Variants in KDM1B observed in about 807,000 individuals in gnomAD.
The protein encoded by KDM1B is lysine-specific histone demethylase 2.
In KDM1B, 63 loss-of-function variants were observed where a neutral mutation model predicts 107.4. The ratio of observed to expected loss-of-function variants is 0.59; its 90% CI spans 0.48 to 0.72. The LOEUF is 0.72. KDM1B is among the 30% of genes least tolerant of loss of function. KDM1B has a pLI of 0.00. For missense variants in KDM1B, 749 were observed against 1,020.8 expected, an observed-to-expected ratio of 0.73 and a Z score of 3.63; for synonymous variants, 363 against 363.9, an observed-to-expected ratio of 1.00 and a Z score of 0.03.
chr6:18,165,124 T>A (rs1785209026), intron 5 of KDM1B, among the ~76,000 whole-genome samples: 1 of 126,274 alleles, frequency 7.9e-6, no homozygotes, highest in Non-Finnish European at 1.6e-5. Context: ...CTCTGCCTTC[T>A]CTGATTTTTT....
At chr6:18,158,657 A>G (rs1784785924) in intron 2 of KDM1B, among the ~76,000 whole-genome samples, 1 of 152,244 alleles carries the variant, frequency 6.6e-6, no homozygotes, top group Admixed American at 6.5e-5. Flanking sequence ...CAATAGATCA[A>G]GGAAGGAGAT....
chr6:18,191,424 A>G lies in KDM1B; in HGVS notation c.969+43A>G, dbSNP rs1787278106. ...AGCCAATAGCACTGGACAGAGGAGG[A>G]CCATGTTGAAAAGGAGGGGATACTT... On this transcript the variant is annotated intron_variant, in intron 10 of 21. Transcript: ENST00000650836. The surrounding 1 kb of genome is among the most constrained non-coding windows in gnomAD (Gnocchi z 5.1). 1 of 1,509,312 alleles carries G rather than the reference A, an allele frequency of 6.6e-7. No homozygotes were observed. The highest frequency in any genetic ancestry group is 1.2e-5 in the South Asian group (1 of 80,610). The allele number at this position is 1,509,312 out of a possible 1,614,324, so 93.5% of individuals were successfully genotyped here. A position where few individuals can be genotyped will look rare whatever the true frequency, so the allele number is the denominator to read the frequency against.
chr6:18,158,746 T>A (rs1482624225), intron 2 of KDM1B, among the ~76,000 whole-genome samples: 1 of 152,228 alleles, frequency 6.6e-6, no homozygotes, highest in Admixed American at 6.5e-5. Flanking sequence ...TTGAAAAAAA[T>A]TCTGTTAGCT....
Position 18,213,436 on chromosome 6 carries a change from CAAA to C in KDM1B, c.1984-208_1984-206del, listed in dbSNP as rs377185197. On this transcript the variant is annotated intron_variant, in intron 18 of 21. Coordinates refer to ENST00000650836, the MANE Select transcript of KDM1B (RefSeq NM_001364614.2). This position sits in a 1 kb window ranked among gnomAD's most constrained non-coding sequence, Gnocchi z 5.9. ...GGGCAACAAGAGCGAAACTCCGTCT[CAAA>C]AAAAAAAAAAACCCAAAAAACAAAA... Among the ~76,000 whole-genome samples the C allele has an allele frequency of 2.0e-5, 2 of 98,720 alleles. No homozygotes were observed. Among genetic ancestry groups the C allele is most frequent in the African/African-American group, 3.6e-5 (1 of 27,674 alleles). 64.8% of individuals were successfully genotyped at this position (98,720 alleles called of 152,430 possible). A position where few individuals can be genotyped will look rare whatever the true frequency, so the allele number is the denominator to read the frequency against.
At chr6:18,198,652 A>AAAAAAC (rs1561939731) in intron 12 of KDM1B, among the ~76,000 whole-genome samples, 5 of 143,128 alleles carry the variant, frequency 3.5e-5, no homozygotes, top group African/African-American at 7.8e-5. Context: ...AAAAAAAAAA[A>AAAAAAC]AAAAACAAAA....
At chr6:18,193,473 A>ATT (rs201031871) in intron 10 of KDM1B, among the ~76,000 whole-genome samples, 4 of 145,596 alleles carry the variant, frequency 2.7e-5, no homozygotes, top group East Asian at 4.0e-4. Flanking sequence ...TGCCCAGCTA[A>ATT]TTTTTTTTTT....
In KDM1B at chr6:18,208,713, C is replaced by T. The variant is rs575957474; in HGVS notation, c.1866+507C>T. 6.4e-4 allele frequency among the ~76,000 whole-genome samples: 83 copies of T among 129,838 alleles called. 2 individuals are homozygous for T. Among genetic ancestry groups the T allele is most frequent in the South Asian group, 2.4e-3 (9 of 3,684 alleles). 85.2% of individuals were successfully genotyped at this position (129,838 alleles called of 152,430 possible). On this transcript the variant is annotated intron_variant, in intron 17 of 21. Coordinates refer to ENST00000650836, the MANE Select transcript of KDM1B (RefSeq NM_001364614.2). ...AGGCTGGAGTGCAGTGGCGCAAACT[C>T]GGCTCACTGCAAGCTCCGCCTCCCG...
At chr6:18,165,128 A>ATT (rs35906579) in intron 5 of KDM1B, among the ~76,000 whole-genome samples, 33,529 of 80,942 alleles carry the variant, frequency 0.41, 10,015 homozygotes, top group Admixed American at 0.47. Context: ...GCCTTCTCTG[A>ATT]TTTTTTTTTT....
chr6:18,157,202 T>G (rs2150741016), intron 2 of KDM1B, among the ~76,000 whole-genome samples: 1 of 152,310 alleles, frequency 6.6e-6, no homozygotes, highest in Admixed American at 6.5e-5. Context: ...TTCTTCATTT[T>G]AAGACCTAAG....
intron 7 of KDM1B, among the ~76,000 whole-genome samples, chr6:18,176,434 G>T (rs1285746244): frequency 1.3e-5 from 2 of 152,028 alleles, no homozygotes; most frequent in African/African-American, 4.8e-5. Context: ...TACCGATTTG[G>T]ATGCCCTTTA....
rs1305376742 is a variant in KDM1B, at chr6:18,166,273, G to T, written c.312G>T (p.Lys104Asn). ...ECFDHYYRSH[K>N]DGYDKYTTWK... ...AATTTTTCTTGTTTTTCAGCCATAAGGATGGATATGACAAATATACTACAT... is the reference window on the plus strand; with the variant it reads ...AATTTTTCTTGTTTTTCAGCCATAATGATGGATATGACAAATATACTACAT... Residue 104 changes from lysine to asparagine, a missense_variant, in exon 6 of 22, where the codon AAG becomes AAT. Lys to Asn is a moderately conservative substitution (Grantham distance 94). Coordinates refer to ENST00000650836, the MANE Select transcript of KDM1B (RefSeq NM_001364614.2). 6.6e-7 allele frequency: 1 copy of T among 1,517,730 alleles called. No individual in the cohort carries two copies. The allele number at this position is 1,517,730 out of a possible 1,614,324, so 94.0% of individuals were successfully genotyped here. A position where few individuals can be genotyped will look rare whatever the true frequency, so the allele number is the denominator to read the frequency against.
rs745796379 is a variant in KDM1B, at chr6:18,197,090, A to G, written c.1003A>G (p.Ile335Val). The change falls in exon 11 of 22, where the codon ATC becomes GTC. Residue 335 changes from isoleucine to valine, a missense_variant. By Grantham distance (29) the Ile-to-Val change is conservative (BLOSUM62 3). Transcript: ENST00000650836. This position sits in a 1 kb window ranked among gnomAD's most constrained non-coding sequence, Gnocchi z 4.5. ...TACTCCTCAGAAATGTATTCCTCAC[A>G]TCATCGTCCGGGGTCTCGTGCGTAT... Reference protein sequence around the residue: ...ALTPQKCIPHIIVRGLVRIRC... With the variant: ...ALTPQKCIPHVIVRGLVRIRC... 9 of 1,613,946 alleles carry G rather than the reference A, an allele frequency of 5.6e-6. No individual in the cohort carries two copies. The highest frequency in any genetic ancestry group is 6.8e-6 in the Non-Finnish European group (8 of 1,179,862).
chr6:18,196,989 T>G, intron 10 of KDM1B, 68 bp from the exon 11 acceptor site: 1 of 1,378,834 alleles, frequency 7.3e-7, no homozygotes, highest in East Asian at 2.3e-5. Flanking sequence ...ATGGATTGTT[T>G]TCCTGCTATT....
intron 6 of KDM1B, among the ~76,000 whole-genome samples, chr6:18,170,813 T>G (rs1185061869): frequency 1.3e-5 from 2 of 150,922 alleles, no homozygotes; most frequent in Admixed American, 6.6e-5. Flanking sequence ...CTGGAAAACC[T>G]TTCTCTTTTT....
At chr6:18,196,884 A>G (rs545043921) in intron 10 of KDM1B, among the ~76,000 whole-genome samples, 173 bp from the exon 11 acceptor site, 5 of 152,306 alleles carry the variant, frequency 3.3e-5, no homozygotes, top group Admixed American at 2.0e-4. Context: ...TCTAGAACCA[A>G]TCTCCTCCTG....
chr6:18,202,572 T>C (rs1788109367), intron 14 of KDM1B, among the ~76,000 whole-genome samples: 1 of 152,194 alleles, frequency 6.6e-6, no homozygotes, highest in Non-Finnish European at 1.5e-5. Context: ...GCCTACAATT[T>C]TGTGACCTGA....
chr6:18,188,101 C>CCCAGCCTGCACATTTAA, intron 9 of KDM1B, 99 bp downstream of exon 9: 1 of 1,102,644 alleles, frequency 9.1e-7, no homozygotes, highest in Non-Finnish European at 1.3e-6. Context: ...TTTAAATGTG[C>CCCAGCCTGCACATTTAA]AGGCTGGGCA....
chr6:18,206,389 T>C (rs1788375083), intron 15 of KDM1B, among the ~76,000 whole-genome samples: 1 of 152,064 alleles, frequency 6.6e-6, no homozygotes, highest in African/African-American at 2.4e-5. Context: ...TAGTGGCATG[T>C]GCCTGTAGTC....
At position 18,223,042 on chromosome 6, in the gene KDM1B, C is replaced by T. The variant is rs1400435376; in HGVS notation, c.*1050C>T. 3 of 152,408 alleles carry T rather than the reference C, an allele frequency of 2.0e-5. No homozygotes were observed. The highest frequency in any genetic ancestry group is 4.4e-5 in the Non-Finnish European group (3 of 67,998). 9.4% of individuals were successfully genotyped at this position (152,408 alleles called of 1,614,324 possible). On this transcript the variant is annotated 3_prime_UTR_variant, in exon 22 of 22. Transcript: ENST00000650836. ...TACTTTTATCTTTTTTTTAAAAACA[C>T]TCATGACAGAAAACAGTTTAATAAT... is the stretch of plus-strand genomic sequence containing the variant.
Sources: gnomAD v4.1 joint callset for allele counts (sites outside exome capture counted in the v4.1 genomes callset) on GRCh38, gnomAD v4.1.1 for gene constraint, Gnocchi (gnomAD v3.1) non-coding constraint, MANE v1.5 for transcripts, NCBI Gene and HGNC (gene_info 2026-07-23, HGNC 2026-07-21) for gene names.